Variants in IFT122 observed in about 807,000 individuals in gnomAD.
IFT122 encodes intraflagellar transport 122.
IFT122 carries 118 observed loss-of-function variants against 161.6 expected under a neutral mutation model. The ratio of observed to expected loss-of-function variants is 0.73; its 90% CI spans 0.63 to 0.85. The LOEUF is 0.85. Among genes scored for constraint, IFT122 ranks in the 40% least tolerant of loss-of-function variants. IFT122 has a pLI of 0.00. For synonymous variants in IFT122, 550 were observed against 602.4 expected (o/e 0.91, Z 1.27); for missense variants, 1,381 against 1,579.6 (o/e 0.87, Z 2.13).
At chr3:129,466,775 T>C in intron 7 of IFT122, 115 bp from the exon 8 acceptor site, 1 of 962,468 alleles carries the variant, frequency 1.0e-6, no homozygotes, top group Non-Finnish European at 1.7e-6. Context: ...AGTGCTGGGA[T>C]TACAGGCGTG....
At chr3:129,517,268 G>GCA (rs777108020) in intron 26 of IFT122, among the ~76,000 whole-genome samples, 16,177 of 116,802 alleles carry the variant, frequency 0.14, 1,446 homozygotes, top group African/African-American at 0.28. Flanking sequence ...CATTGCTCCT[G>GCA]CACACACACA....
chr3:129,488,189 G>A (rs1399984046), intron 15 of IFT122, 68 bp from the exon 16 acceptor site: 11 of 1,612,138 alleles, frequency 6.8e-6, no homozygotes, highest in South Asian at 6.6e-5. Context: ...GGCAGGCTCT[G>A]TATGCATCTG....
chr3:129,450,720 T>G lies in IFT122; in HGVS notation c.108+783T>G, dbSNP rs1437918832. ...GATGGTGTGTGTGTGTGTGTTTTTT[T>G]TTTTTTTTTTTTTTTTTGGAGACAG... On this transcript the variant is annotated intron_variant, in intron 2 of 29. Transcript: ENST00000348417. Among the ~76,000 whole-genome samples the G allele has an allele frequency of 4.7e-3, 569 of 121,464 alleles. 6 individuals are homozygous for G. The highest frequency in any genetic ancestry group is 0.019 in the African/African-American group (515 of 27,146). 79.7% of individuals were successfully genotyped at this position (121,464 alleles called of 152,430 possible).
At chr3:129,466,810 G>A in intron 7 of IFT122, 80 bp from the exon 8 acceptor site, 2 of 1,410,972 alleles carry the variant, frequency 1.4e-6, no homozygotes, top group African/African-American at 1.4e-5. Flanking sequence ...GCCCCCAGGG[G>A]CTCCTTGCCA....
intron 13 of IFT122, among the ~76,000 whole-genome samples, chr3:129,480,706 G>A (rs1303462053): frequency 6.6e-6 from 1 of 152,172 alleles, no homozygotes; most frequent in Non-Finnish European, 1.5e-5. Context: ...ATGGGGTCAG[G>A]TGGGCCGGAG....
chr3:129,461,284 C>G lies in IFT122; in HGVS notation c.329C>G (p.Ser110Cys). The change falls in exon 5 of 30, where the codon TCT becomes TGT. Residue 110 changes from serine to cysteine, a missense_variant. By Grantham distance (112) the Ser-to-Cys change is moderately radical (BLOSUM62 -1). Around this residue, in one of 7 missense-constraint regions of IFT122, gnomAD observed 134 missense variants for 137.4 expected, o/e 0.98. Coordinates refer to ENST00000348417, the MANE Select transcript of IFT122 (RefSeq NM_052989.3). ...SYNPITHQLA[S>C]CSSSDFGLWS... ...AATCCTATTACTCATCAACTGGCAT[C>G]TTGTTCCTCCAGTGACTTTGGTACG... 1 of 1,613,110 alleles carries G rather than the reference C, an allele frequency of 6.2e-7. No individual in the cohort carries two copies. The highest frequency in any genetic ancestry group is 8.5e-7 in the Non-Finnish European group (1 of 1,179,012).
intron 27 of IFT122, 53 bp from the exon 28 acceptor site, chr3:129,519,054 A>G: frequency 6.9e-7 from 1 of 1,457,500 alleles, no homozygotes; most frequent in Non-Finnish European, 9.6e-7. Flanking sequence ...GGTGGAGGCT[A>G]GGGTCTGTCT....
In IFT122 at chr3:129,440,248, T is replaced by G; in HGVS notation, c.-83T>G. On this transcript the variant is annotated 5_prime_UTR_variant, in exon 1 of 30. Coordinates refer to ENST00000348417, the MANE Select transcript of IFT122 (RefSeq NM_052989.3). Reference sequence around the variant, plus strand: ...TAACGCAGGTAGCCAAAGTGGCTTGTGGAGTGGCGACCGTTAGTGAGGCGG... The same window carrying G: ...TAACGCAGGTAGCCAAAGTGGCTTGGGGAGTGGCGACCGTTAGTGAGGCGG... 6.6e-7 allele frequency: 1 copy of G among 1,524,122 alleles called. No individual in the cohort carries two copies. The highest frequency in any genetic ancestry group is 8.9e-7 in the Non-Finnish European group (1 of 1,126,458). The allele number at this position is 1,524,122 out of a possible 1,614,324, so 94.4% of individuals were successfully genotyped here.
Position 129,520,505 on chromosome 3 carries a change from T to A in IFT122, c.*240T>A. ...TTCTAAGGAAAAAAATCTGTTACTT[T>A]CAGAACGGCTCCGAGTTGTTCGTGG... On this transcript the variant is annotated 3_prime_UTR_variant, in exon 30 of 30. Transcript: ENST00000348417. The A allele has an allele frequency of 3.3e-6, 2 of 598,448 alleles. No individual in the cohort carries two copies. Among genetic ancestry groups the A allele is most frequent in the Admixed American group, 5.3e-5 (2 of 37,700 alleles). The allele number at this position is 598,448 out of a possible 1,614,324, so 37.1% of individuals were successfully genotyped here. A position where few individuals can be genotyped will look rare whatever the true frequency, so the allele number is the denominator to read the frequency against.
intron 7 of IFT122, among the ~76,000 whole-genome samples, chr3:129,465,653 T>A (rs2076684235): frequency 1.1e-5 from 1 of 90,350 alleles, no homozygotes; most frequent in Non-Finnish European, 1.9e-5. Flanking sequence ...TTTTTTTTTT[T>A]GAGACGGAGT....
At position 129,499,955 on chromosome 3, in the gene IFT122, G is replaced by C. The variant is rs756186737; in HGVS notation, c.2262G>C (p.Gln754His). Residue 754 changes from glutamine to histidine, a missense_variant, in exon 19 of 30, where the codon CAG becomes CAC. Coordinates refer to ENST00000348417, the MANE Select transcript of IFT122 (RefSeq NM_052989.3). ...PKETKMLITKQADWARNIKEP... is the reference protein window; with the variant it reads ...PKETKMLITKHADWARNIKEP... The stretch of plus-strand genomic sequence containing the variant: ...AAACAAAGATGCTAATCACCAAACA[G>C]GCTGACTGGGCCAGAAATATCAAGG... 6.2e-7 allele frequency: 1 copy of C among 1,614,218 alleles called. No homozygotes were observed. Among genetic ancestry groups the C allele is most frequent in the South Asian group, 1.1e-5 (1 of 91,084 alleles).
chr3:129,443,703 A>G (rs1270183375), intron 1 of IFT122, among the ~76,000 whole-genome samples: 1 of 151,714 alleles, frequency 6.6e-6, no homozygotes, highest in Non-Finnish European at 1.5e-5. Flanking sequence ...ATCTAACACA[A>G]TGTAAAGAAG....
intron 20 of IFT122, 183 bp from the exon 21 acceptor site, chr3:129,504,136 T>C: frequency 1.7e-6 from 1 of 604,220 alleles, no homozygotes; most frequent in Admixed American, 2.7e-5. Context: ...TAATTGCCTT[T>C]TGTTTTCGAA....
At position 129,461,327 on chromosome 3, in the gene IFT122, C is replaced by G. The variant is rs762945545; in HGVS notation, c.349+23C>G. ...TTGGTACGTTCTGATTCCTGATGTC[C>G]TGTCCTGGAATAACTGAAAATCTGG... On this transcript the variant is annotated intron_variant, in intron 5 of 29. Coordinates refer to ENST00000348417, the MANE Select transcript of IFT122 (RefSeq NM_052989.3). 6.4e-6 allele frequency: 10 copies of G among 1,558,446 alleles called. No homozygotes were observed. In the South Asian group the frequency reaches 8.9e-5, roughly 14 times the overall value.
chr3:129,507,541 C>T, intron 22 of IFT122, 127 bp from the exon 23 acceptor site: 1 of 801,568 alleles, frequency 1.2e-6, no homozygotes, highest in Non-Finnish European at 2.2e-6. Context: ...CACCCTGGCA[C>T]AGACACTGTG....
intron 3 of IFT122, chr3:129,452,260 T>C (rs2074940081): frequency 8.9e-6 from 4 of 450,556 alleles, no homozygotes; most frequent in South Asian, 6.3e-5. Flanking sequence ...GCTTCTGTTT[T>C]ATGGGGTGGT....
At chr3:129,512,208 C>T (rs569199625) in intron 23 of IFT122, 104 bp from the exon 24 acceptor site, 10 of 825,372 alleles carry the variant, frequency 1.2e-5, no homozygotes, top group South Asian at 2.7e-5. Context: ...TAATCAGAGC[C>T]GCTCTTGTTG....
chr3:129,504,956 C>T (rs1037401352), intron 21 of IFT122, among the ~76,000 whole-genome samples: 2 of 152,144 alleles, frequency 1.3e-5, no homozygotes, highest in Non-Finnish European at 1.5e-5. Flanking sequence ...CTCAGATAAA[C>T]GGGTGACTTC....
intron 6 of IFT122, 75 bp downstream of exon 6, chr3:129,463,701 G>A: frequency 7.9e-7 from 1 of 1,261,298 alleles, no homozygotes; most frequent in Non-Finnish European, 1.2e-6. Flanking sequence ...ATTATTTCAT[G>A]CAGCAGAGAA....
Sources: gnomAD v4.1 joint callset for allele counts (sites outside exome capture counted in the v4.1 genomes callset) on GRCh38, gnomAD v4.1.1 for gene constraint, gnomAD v4.1.1 regional missense constraint, MANE v1.5 for transcripts, NCBI Gene and HGNC (gene_info 2026-07-23, HGNC 2026-07-21) for gene names.